Variants in CACNA1C observed in about 807,000 individuals in gnomAD.
CACNA1C encodes the protein voltage-dependent L-type calcium channel subunit alpha-1C.
A neutral mutation model predicts 229.0 loss-of-function variants in CACNA1C; 30 were observed. That is an observed-to-expected ratio of 0.13 (90% CI 0.10 to 0.18). The LOEUF (loss-of-function observed/expected upper bound fraction) is 0.18. Among genes scored for constraint, CACNA1C ranks in the 10% least tolerant of loss-of-function variants. CACNA1C has a pLI of 1.00. For missense variants in CACNA1C, 1,658 were observed against 2,845.0 expected, an observed-to-expected ratio of 0.58 and a Z score of 9.49; for synonymous variants, 1,114 against 1,132.5, an observed-to-expected ratio of 0.98 and a Z score of 0.33.
intron 3 of CACNA1C, among the ~76,000 whole-genome samples, chr12:2,433,498 C>T (rs540680311): frequency 5.7e-4 from 87 of 152,344 alleles, no homozygotes; most frequent in African/African-American, 2.0e-3. Context: ...CATTCACTCA[C>T]GCATTCATTC....
intron 3 of CACNA1C, among the ~76,000 whole-genome samples, chr12:2,366,174 T>C (rs2097713978): frequency 1.3e-5 from 2 of 152,188 alleles, no homozygotes; most frequent in African/African-American, 2.4e-5. Flanking sequence ...CAAATGAGCC[T>C]CACCCCTGCC....
intron 1 of CACNA1C, chr12:1,992,582 G>C (rs1302620855): frequency 6.4e-6 from 1 of 155,450 alleles, no homozygotes; most frequent in African/African-American, 2.4e-5. Context: ...CCTGCAACTG[G>C]CATATTTTCA....
chr12:2,353,158 G>A, intron 3 of CACNA1C, among the ~76,000 whole-genome samples: 1 of 152,214 alleles, frequency 6.6e-6, no homozygotes, highest in East Asian at 1.9e-4. Context: ...CGTCACTCTG[G>A]TTGGGATGCT....
chr12:2,175,920 C>T (rs184681026), intron 3 of CACNA1C, among the ~76,000 whole-genome samples: 76 of 152,254 alleles, frequency 5.0e-4, no homozygotes, highest in Admixed American at 1.3e-3. Context: ...CTGCTATATG[C>T]TGGGTATCGT....
At chr12:2,087,069 G>GT (rs199558545) in intron 1 of CACNA1C, among the ~76,000 whole-genome samples, 1,557 of 152,224 alleles carry the variant, frequency 0.01, 27 homozygotes, top group African/African-American at 0.035. Flanking sequence ...CCCAGGCTGG[G>GT]TTTTTTTATC....
intron 3 of CACNA1C, among the ~76,000 whole-genome samples, chr12:2,190,261 A>G (rs761819006): frequency 1.3e-5 from 2 of 152,308 alleles, no homozygotes; most frequent in Non-Finnish European, 2.9e-5. Context: ...ATTTCAAAAT[A>G]CTGTAGGATG....
At chr12:2,149,768 C>T (rs2095063137) in intron 3 of CACNA1C, among the ~76,000 whole-genome samples, 1 of 152,178 alleles carries the variant, frequency 6.6e-6, no homozygotes. Context: ...TCACTGGGAG[C>T]TGTGTAGGAC....
intron 1 of CACNA1C, chr12:1,993,468 C>A: frequency 1.3e-6 from 2 of 1,533,422 alleles, no homozygotes; most frequent in Non-Finnish European, 8.8e-7. Context: ...TAAGTACATT[C>A]TGATGTGTCT....
chr12:2,613,902 C>G lies in CACNA1C; in HGVS notation c.3828+1889C>G, dbSNP rs755330481. 4 of 152,392 alleles carry G rather than the reference C, an allele frequency of 2.6e-5. No homozygotes were observed. In the East Asian group the frequency reaches 7.7e-4, roughly 29 times the overall value. 9.4% of individuals were successfully genotyped at this position (152,392 alleles called of 1,614,324 possible). A position where few individuals can be genotyped will look rare whatever the true frequency, so the allele number is the denominator to read the frequency against. On this transcript the variant is annotated intron_variant, in intron 29 of 46. Transcript: ENST00000399655. ...AACTGGCATCATTTTCATACAGTGT[C>G]ACGAGACATATGGTTTAAATATTTC...
intron 3 of CACNA1C, among the ~76,000 whole-genome samples, chr12:2,180,051 A>C (rs2096787388): frequency 6.6e-6 from 1 of 152,156 alleles, no homozygotes; most frequent in Admixed American, 6.5e-5. Flanking sequence ...GAGCAGCCTC[A>C]CTCAGGTCTT....
chr12:2,444,370 T>G (rs2099257343), intron 3 of CACNA1C, among the ~76,000 whole-genome samples: 1 of 152,196 alleles, frequency 6.6e-6, no homozygotes. Flanking sequence ...AGAGAGGTCC[T>G]GTAACTTCTG....
intron 8 of CACNA1C, among the ~76,000 whole-genome samples, chr12:2,510,912 T>C (rs1337711918): frequency 1.3e-5 from 2 of 152,168 alleles, no homozygotes; most frequent in African/African-American, 4.8e-5. Flanking sequence ...CCCCGAAGGC[T>C]TAACCAGGTA....
chr12:2,329,526 G>T (rs909606140), intron 3 of CACNA1C, among the ~76,000 whole-genome samples: 1 of 152,184 alleles, frequency 6.6e-6, no homozygotes, highest in Non-Finnish European at 1.5e-5. Context: ...TGTCAAGCAA[G>T]TGCATCCTAT....
rs919869881 is a variant in CACNA1C, at chr12:2,597,763, C to T, written c.2853+474C>T. Among the ~76,000 whole-genome samples the T allele has an allele frequency of 6.6e-6, 1 of 152,184 alleles. No homozygotes were observed. The highest frequency in any genetic ancestry group is 1.5e-5 in the Non-Finnish European group (1 of 68,040). ...AAGGGACACGTGTTGGCTGTGCCAA[C>T]ATTAAGGCTGCCATTTCACTGGTTG... On this transcript the variant is annotated intron_variant, in intron 21 of 46. Coordinates refer to ENST00000399655, the MANE Select transcript of CACNA1C (RefSeq NM_000719.7). This position sits in a 1 kb window ranked among gnomAD's most constrained non-coding sequence, Gnocchi z 4.3.
chr12:2,159,800 C>T lies in CACNA1C; in HGVS notation c.477+39370C>T, dbSNP rs769204401. Among the ~76,000 whole-genome samples, 21 of 152,264 alleles carry T rather than the reference C, an allele frequency of 1.4e-4. No individual in the cohort carries two copies. In the East Asian group the frequency reaches 2.5e-3, roughly 18 times the overall value. Reference sequence around the variant, plus strand: ...TTTGTATTTAGTAGAGACGGGGTTTCACCATGTTGGCCAGGCTGGTAGCGA... The same window carrying T: ...TTTGTATTTAGTAGAGACGGGGTTTTACCATGTTGGCCAGGCTGGTAGCGA... On this transcript the variant is annotated intron_variant, in intron 3 of 46. Coordinates refer to ENST00000399655, the MANE Select transcript of CACNA1C (RefSeq NM_000719.7).
At chr12:2,090,310 CTTTT>C (rs145675982) in intron 1 of CACNA1C, among the ~76,000 whole-genome samples, 14 of 69,196 alleles carry the variant, frequency 2.0e-4, no homozygotes, top group African/African-American at 7.5e-4. Flanking sequence ...GGATAGACTA[CTTTT>C]TTTTTTTTTT....
chr12:2,484,324 G>T (rs1597703658), intron 5 of CACNA1C, among the ~76,000 whole-genome samples: 1 of 152,170 alleles, frequency 6.6e-6, no homozygotes, highest in East Asian at 1.9e-4. Flanking sequence ...TGGCCCTGTG[G>T]TGGGAGGAAC....
At chr12:2,211,881 G>A (rs2097929229) in intron 3 of CACNA1C, among the ~76,000 whole-genome samples, 1 of 151,890 alleles carries the variant, frequency 6.6e-6, no homozygotes, top group African/African-American at 2.4e-5. Context: ...ACCACTCCCG[G>A]CTAATTTTTT....
Position 2,653,296 on chromosome 12 carries a change from G to C in CACNA1C, c.4075-539G>C, listed in dbSNP as rs139272501. On this transcript the variant is annotated intron_variant, in intron 32 of 46. Transcript: ENST00000399655. The surrounding 1 kb of genome is among the most constrained non-coding windows in gnomAD (Gnocchi z 4.7). ...AGACTGAAGTTCAGAGAAGTTAAGT[G>C]CCCCAACCCTCACAGATAGAAAGTG... 6.6e-6 allele frequency among the ~76,000 whole-genome samples: 1 copy of C among 152,198 alleles called. No homozygotes were observed. Among genetic ancestry groups the C allele is most frequent in the Admixed American group, 6.5e-5 (1 of 15,286 alleles).
Sources: gnomAD v4.1 joint callset for allele counts (sites outside exome capture counted in the v4.1 genomes callset) on GRCh38, gnomAD v4.1.1 for gene constraint, Gnocchi (gnomAD v3.1) non-coding constraint, MANE v1.5 for transcripts, NCBI Gene and HGNC (gene_info 2026-07-23, HGNC 2026-07-21) for gene names.